Variants in YBX2 observed in about 807,000 individuals in gnomAD.
The protein encoded by YBX2 is Y-box-binding protein 2.
A neutral mutation model predicts 44.4 loss-of-function variants in YBX2; 5 were observed. That is an observed-to-expected ratio of 0.11 (90% CI 0.06 to 0.24). The LOEUF (loss-of-function observed/expected upper bound fraction) is 0.24, where lower values mean the gene tolerates loss of function less well. YBX2 is among the 10% of genes least tolerant of loss of function. The pLI is 1.00. For synonymous variants in YBX2, 188 were observed against 216.1 expected, an observed-to-expected ratio of 0.87 and a Z score of 1.14; for missense variants, 417 against 526.9, an observed-to-expected ratio of 0.79 and a Z score of 2.04.
At chr17:7,289,477 G>A (rs535620344) in intron 7 of YBX2, 53 bp downstream of exon 7, 1 of 1,553,924 alleles carries the variant, frequency 6.4e-7, no homozygotes, top group African/African-American at 1.4e-5. Flanking sequence ...GGAGCAGGTG[G>A]GGGAGGGAGC....
intron 1 of YBX2, 174 bp from the exon 2 acceptor site, chr17:7,293,712 T>C: frequency 7.6e-7 from 1 of 1,311,862 alleles, no homozygotes; most frequent in Non-Finnish European, 1.0e-6. Flanking sequence ...CCTACCCTAG[T>C]CCACCAAATG....
chr17:7,288,918 A>C (rs1185568544), intron 7 of YBX2, 80 bp from the exon 8 acceptor site: 1 of 1,562,492 alleles, frequency 6.4e-7, no homozygotes, highest in Non-Finnish European at 8.8e-7. Context: ...GATGGAGTAC[A>C]GTGGCGTGAT....
chr17:7,294,311 G>A lies in YBX2; in HGVS notation c.190C>T (p.Arg64Cys), dbSNP rs778624116. 1.6e-6 allele frequency: 2 copies of A among 1,280,180 alleles called. No individual in the cohort carries two copies. The highest frequency in any genetic ancestry group is 3.1e-5 in the East Asian group (1 of 31,954). The allele number at this position is 1,280,180 out of a possible 1,614,324, so 79.3% of individuals were successfully genotyped here. Residue 64 changes from arginine to cysteine, a missense_variant, in exon 1 of 9, where the codon CGC (arginine) becomes TGC (cysteine). This residue lies in a region of YBX2 where 121 missense variants were observed against 141.3 expected (regional missense o/e 0.86). Transcript: ENST00000007699. This position sits in a 1 kb window ranked among gnomAD's most constrained non-coding sequence, Gnocchi z 4.6. ...GCCGTCGCCGGATTGCCAGGGGTGC[G>A]GGAGCCCGGCGCCGAGGGGGTCCCA... is the stretch of plus-strand genomic sequence containing the variant. Reference protein sequence around the residue: ...AAGTPSAPGSRTPGNPATAVS... With the variant: ...AAGTPSAPGSCTPGNPATAVS...
At chr17:7,292,116 A>C (rs2072505586) in intron 2 of YBX2, 57 bp from the exon 3 acceptor site, 2 of 1,589,164 alleles carry the variant, frequency 1.3e-6, no homozygotes, top group South Asian at 1.1e-5. Flanking sequence ...TCAGCTCCTC[A>C]CTGAGGTCCC....
chr17:7,291,443 A>T lies in YBX2; in HGVS notation c.370-261T>A. The T allele has an allele frequency of 1.9e-6, 1 of 526,364 alleles. No homozygotes were observed. Among genetic ancestry groups the T allele is most frequent in the South Asian group, 2.0e-5 (1 of 49,184 alleles). The allele number at this position is 526,364 out of a possible 1,614,324, so 32.6% of individuals were successfully genotyped here. A position where few individuals can be genotyped will look rare whatever the true frequency, so the allele number is the denominator to read the frequency against. On this transcript the variant is annotated intron_variant, in intron 3 of 8. Transcript: ENST00000007699. This position sits in a 1 kb window ranked among gnomAD's most constrained non-coding sequence, Gnocchi z 5.8. ...CCCCGCTTTACCCCTCAGGGATTTC[A>T]GAAAGGGAGGCAAGAAATATGAACT... is the stretch of plus-strand genomic sequence containing the variant.
At chr17:7,293,875 G>C (rs1198317620) in intron 1 of YBX2, 1 of 523,010 alleles carries the variant, frequency 1.9e-6, no homozygotes, top group Non-Finnish European at 3.4e-6. Context: ...GGTTTTTCTA[G>C]CCCTCCCAAT....
Position 7,290,032 on chromosome 17 carries a change from C to T in YBX2, c.784G>A (p.Glu262Lys). Residue 262 changes from glutamate to lysine, a missense_variant, in exon 6 of 9, where the codon GAG (glutamate) becomes AAG (lysine). Physicochemically the swap from Glu to Lys is moderately conservative, Grantham distance 56 (BLOSUM62 1). Around this residue, in one of 3 missense-constraint regions of YBX2, gnomAD observed 257 missense variants for 261.7 expected, o/e 0.98. Coordinates refer to ENST00000007699, the MANE Select transcript of YBX2 (RefSeq NM_015982.4). ...TCATCTCCCTGCTGTTGGTGCCCCT[C>T]CAATGGGGCTGTCTCTTTGGGTTCT... ...RVEPKETAPL[E>K]GHQQQGDERV... 6.2e-7 allele frequency: 1 copy of T among 1,614,264 alleles called. No individual in the cohort carries two copies. Among genetic ancestry groups the T allele is most frequent in the Non-Finnish European group, 8.5e-7 (1 of 1,180,038 alleles).
Position 7,289,697 on chromosome 17 carries a change from G to A in YBX2, c.877C>T (p.Pro293Ser). ...RPFRPRPRQQ[P>S]TTEGGDGETK... ...TCACCATCCCCACCTTCTGTGGTAG[G>A]CTGCTGGCGTGGCCTGGGGCGGAAA... Residue 293 changes from proline (P) to serine (S), a missense_variant, in exon 7 of 9, where the codon CCT (proline) becomes TCT (serine). Pro to Ser is a moderately conservative substitution (Grantham distance 74, BLOSUM62 -1). Coordinates refer to ENST00000007699, the MANE Select transcript of YBX2 (RefSeq NM_015982.4). The A allele has an allele frequency of 6.2e-7, 1 of 1,613,386 alleles. No individual in the cohort carries two copies. Among genetic ancestry groups the A allele is most frequent in the South Asian group, 1.1e-5 (1 of 91,036 alleles).
At position 7,288,477 on chromosome 17, in the gene YBX2, C is replaced by G; in HGVS notation, c.*206G>C. Reference sequence around the variant, plus strand: ...TAAGGATGGCTCCCTTCCTTCAACCCTTGATAAGGGGAGGGAAGAAAAAAG... The same window carrying G: ...TAAGGATGGCTCCCTTCCTTCAACCGTTGATAAGGGGAGGGAAGAAAAAAG... On this transcript the variant is annotated 3_prime_UTR_variant, in exon 9 of 9. Transcript: ENST00000007699. 2.9e-6 allele frequency: 1 copy of G among 339,926 alleles called. No homozygotes were observed. The highest frequency in any genetic ancestry group is 2.8e-5 in the South Asian group (1 of 35,862). 21.1% of individuals were successfully genotyped at this position (339,926 alleles called of 1,614,324 possible). A position where few individuals can be genotyped will look rare whatever the true frequency, so the allele number is the denominator to read the frequency against.
Position 7,291,756 on chromosome 17 carries a change from C to G in YBX2, c.369+270G>C. The stretch of plus-strand genomic sequence containing the variant: ...ACCACTGCACCCAAGGACCTTCTCC[C>G]TCTGAAAACTGCCTCAGTGCTTCCT... On this transcript the variant is annotated intron_variant, in intron 3 of 8. Coordinates refer to ENST00000007699, the MANE Select transcript of YBX2 (RefSeq NM_015982.4). The surrounding 1 kb of genome is among the most constrained non-coding windows in gnomAD (Gnocchi z 5.8). The G allele has an allele frequency of 1.9e-6, 1 of 514,280 alleles. No individual in the cohort carries two copies. Among genetic ancestry groups the G allele is most frequent in the South Asian group, 2.2e-5 (1 of 46,222 alleles). 31.9% of individuals were successfully genotyped at this position (514,280 alleles called of 1,614,324 possible).
chr17:7,293,309 G>A, intron 2 of YBX2, 166 bp downstream of exon 2: 1 of 1,280,930 alleles, frequency 7.8e-7, no homozygotes, highest in South Asian at 1.3e-5. Flanking sequence ...GCTTCCTCTT[G>A]TCACGAAGCA....
chr17:7,292,408 C>T (rs1458386647), intron 2 of YBX2: 1 of 316,602 alleles, frequency 3.2e-6, no homozygotes, highest in East Asian at 6.4e-5. Context: ...GTGCAACTGT[C>T]CCTGGCCAAC....
Position 7,291,732 on chromosome 17 carries a change from C to T in YBX2, c.369+294G>A. 1 of 477,176 alleles carries T rather than the reference C, an allele frequency of 2.1e-6. No homozygotes were observed. Among genetic ancestry groups the T allele is most frequent in the Non-Finnish European group, 3.9e-6 (1 of 259,722 alleles). The allele number at this position is 477,176 out of a possible 1,614,324, so 29.6% of individuals were successfully genotyped here. A position where few individuals can be genotyped will look rare whatever the true frequency, so the allele number is the denominator to read the frequency against. ...TGGTGCAGGGGCCACGCTTTGAGAA[C>T]CACTGCACCCAAGGACCTTCTCCCT... On this transcript the variant is annotated intron_variant, in intron 3 of 8. Transcript: ENST00000007699. The surrounding 1 kb of genome is among the most constrained non-coding windows in gnomAD (Gnocchi z 5.8).
At position 7,294,561 on chromosome 17, in the gene YBX2, A is replaced by C; in HGVS notation, c.-61T>G. The C allele has an allele frequency of 7.3e-7, 1 of 1,371,866 alleles. No homozygotes were observed. Among genetic ancestry groups the C allele is most frequent in the Non-Finnish European group, 9.4e-7 (1 of 1,061,880 alleles). 85.0% of individuals were successfully genotyped at this position (1,371,866 alleles called of 1,614,324 possible). ...CCCCGGCCCCTCCCCCCGGCTCGCG[A>C]ACCCACCGCCCTGCTCGGTCCTCGC... On this transcript the variant is annotated 5_prime_UTR_variant, in exon 1 of 9. Transcript: ENST00000007699. This position sits in a 1 kb window ranked among gnomAD's most constrained non-coding sequence, Gnocchi z 4.6.
At position 7,290,887 on chromosome 17, in the gene YBX2, C is replaced by A. The variant is rs1350761984; in HGVS notation, c.459+206G>T. On this transcript the variant is annotated intron_variant, in intron 4 of 8. Coordinates refer to ENST00000007699, the MANE Select transcript of YBX2 (RefSeq NM_015982.4). The stretch of plus-strand genomic sequence containing the variant: ...GTGCTTGGTGAACTAGAGAAGAAAC[C>A]CAGACACTGCCGACCGATGACAGGG... Among the ~76,000 whole-genome samples the A allele has an allele frequency of 3.3e-5, 5 of 152,146 alleles. No homozygotes were observed. The East Asian group carries it at 7.7e-4, about 23-fold the overall frequency.
In YBX2 at chr17:7,294,569, GC is replaced by G; in HGVS notation, c.-70del. On this transcript the variant is annotated 5_prime_UTR_variant, in exon 1 of 9. Coordinates refer to ENST00000007699, the MANE Select transcript of YBX2 (RefSeq NM_015982.4). The surrounding 1 kb of genome is among the most constrained non-coding windows in gnomAD (Gnocchi z 4.6). Reference sequence around the variant, plus strand: ...CCTCCCCCCGGCTCGCGAACCCACCGCCCTGCTCGGTCCTCGCGCCCCGAGC... The same window carrying G: ...CCTCCCCCCGGCTCGCGAACCCACCGCCTGCTCGGTCCTCGCGCCCCGAGC... 1.5e-6 allele frequency: 2 copies of G among 1,297,002 alleles called. No individual in the cohort carries two copies. Among genetic ancestry groups the G allele is most frequent in the Non-Finnish European group, 1.9e-6 (2 of 1,027,648 alleles). 80.3% of individuals were successfully genotyped at this position (1,297,002 alleles called of 1,614,324 possible).
chr17:7,289,595 G>A lies in YBX2; in HGVS notation c.979C>T (p.Arg327Trp), dbSNP rs753870338. 5.6e-6 allele frequency: 9 copies of A among 1,613,508 alleles called. No homozygotes were observed. The highest frequency in any genetic ancestry group is 7.6e-6 in the Non-Finnish European group (9 of 1,179,838). The part of the protein sequence containing the change: ...QRPRNRPYFQ[R>W]RRQQAPGPQQ... ...GGGCCAGGGGCCTGCTGCCGTCTCC[G>A]CTGGAAGTAGGGGCGGTTTCGTGGG... Residue 327 changes from arginine to tryptophan, a missense_variant, in exon 7 of 9, where the codon CGG (arginine) becomes TGG (tryptophan). Arg to Trp is a moderately radical substitution (Grantham distance 101). Coordinates refer to ENST00000007699, the MANE Select transcript of YBX2 (RefSeq NM_015982.4).
chr17:7,294,451 G>A lies in YBX2; in HGVS notation c.50C>T (p.Thr17Met), dbSNP rs1332695776. The change falls in exon 1 of 9, where the codon ACG (threonine) becomes ATG (methionine). Residue 17 changes from threonine to methionine, a missense_variant. Transcript: ENST00000007699. The surrounding 1 kb of genome is among the most constrained non-coding windows in gnomAD (Gnocchi z 4.6). Reference protein sequence around the residue: ...AAGATAVPAATVPATAAGVVA... With the variant: ...AAGATAVPAAMVPATAAGVVA... The stretch of plus-strand genomic sequence containing the variant: ...CACCCCTGCCGCCGTCGCGGGCACC[G>A]TCGCCGCGGGGACCGCTGTAGCCCC... 3 of 1,474,472 alleles carry A rather than the reference G, an allele frequency of 2.0e-6. No individual in the cohort carries two copies. Among genetic ancestry groups the A allele is most frequent in the African/African-American group, 1.5e-5 (1 of 68,206 alleles). 91.3% of individuals were successfully genotyped at this position (1,474,472 alleles called of 1,614,324 possible).
At chr17:7,293,860 C>T in intron 1 of YBX2, 7 of 532,552 alleles carry the variant, frequency 1.3e-5, no homozygotes, top group Non-Finnish European at 2.0e-5. Flanking sequence ...CAGGTCATAA[C>T]TGAGGGTTTT....
Sources: allele counts gnomAD v4.1 joint callset (sites outside exome capture counted in the v4.1 genomes callset), GRCh38; gene constraint gnomAD v4.1.1; regional missense constraint gnomAD v4.1.1; non-coding constraint Gnocchi (gnomAD v3.1); transcripts MANE v1.5; gene names NCBI Gene and HGNC (gene_info 2026-07-23, HGNC 2026-07-21).